GLRA2: variants seen among roughly 807,000 people sequenced by gnomAD.
GLRA2 encodes the protein glycine receptor subunit alpha-2.
A neutral mutation model predicts 31.6 loss-of-function variants in GLRA2; 11 were observed. That is an observed-to-expected ratio of 0.35 (90% CI 0.22 to 0.58). The LOEUF is 0.58. Among genes scored for constraint, GLRA2 ranks in the 20% least tolerant of loss-of-function variants. The pLI, the probability that GLRA2 is intolerant of heterozygous loss-of-function variation, is 0.84. For missense variants in GLRA2, 212 were observed against 351.8 expected (o/e 0.60, Z 3.18); for synonymous variants, 132 against 134.0 (o/e 0.99, Z 0.10).
intron 8 of GLRA2, among the ~76,000 whole-genome samples, chrX:14,727,034 G>T (rs2091937309): frequency 9.0e-6 from 1 of 111,639 alleles, no homozygotes; most frequent in African/African-American, 3.3e-5. Context: ...GTATTTTGAG[G>T]GGTTGTTTCT....
intron 4 of GLRA2, among the ~76,000 whole-genome samples, chrX:14,582,787 A>G (rs2090036750): frequency 8.9e-6 from 1 of 112,233 alleles, no homozygotes; most frequent in Non-Finnish European, 1.9e-5. Flanking sequence ...ATTATCTTAA[A>G]TGTTGCAGAC....
chrX:14,562,127 T>C (rs1487933694), intron 2 of GLRA2, among the ~76,000 whole-genome samples: 2 of 112,005 alleles, frequency 1.8e-5, no homozygotes, highest in African/African-American at 6.5e-5. Context: ...CATAGGTGTA[T>C]TAAAGTTTTG....
intron 2 of GLRA2, among the ~76,000 whole-genome samples, chrX:14,534,705 A>G (rs1473343676): frequency 9.1e-6 from 1 of 109,592 alleles, no homozygotes; most frequent in African/African-American, 3.3e-5. Flanking sequence ...GGATAAGGAA[A>G]TTAGAACCAA....
At chrX:14,587,948 C>G (rs2090099461) in intron 4 of GLRA2, among the ~76,000 whole-genome samples, 1 of 108,548 alleles carries the variant, frequency 9.2e-6, no homozygotes, top group East Asian at 2.9e-4. Context: ...CACTCTGTCA[C>G]CCAGGCTGGA....
chrX:14,680,132 C>T (rs1463420171), intron 7 of GLRA2, among the ~76,000 whole-genome samples: 1 of 112,319 alleles, frequency 8.9e-6, no homozygotes, highest in Non-Finnish European at 1.9e-5. Flanking sequence ...ATTTATAAAA[C>T]AGGCAGTGGA....
At chrX:14,464,782 C>T in the GLRA2 span, among the ~76,000 whole-genome samples, 4 of 111,425 alleles carry the variant, frequency 3.6e-5, no homozygotes. Context: ...GTCTCGATCT[C>T]CTGACCTTGT....
chrX:14,449,500 C>T, the GLRA2 span, among the ~76,000 whole-genome samples: 3 of 112,511 alleles, frequency 2.7e-5, no homozygotes, highest in Non-Finnish European at 3.8e-5. Context: ...CTCCATCTTG[C>T]TCTGAGTGGC....
chrX:14,562,849 T>A (rs1038681509), intron 2 of GLRA2, among the ~76,000 whole-genome samples: 1 of 111,720 alleles, frequency 9.0e-6, no homozygotes, highest in Non-Finnish European at 1.9e-5. Flanking sequence ...TTTGAGGTAC[T>A]GAGGGTTAAG....
the GLRA2 span, among the ~76,000 whole-genome samples, chrX:14,506,606 C>T: frequency 8.9e-6 from 1 of 111,931 alleles, no homozygotes; most frequent in Non-Finnish European, 1.9e-5. Context: ...AGTAATCATG[C>T]TGTACACACC....
chrX:14,546,299 G>A (rs771115941), intron 2 of GLRA2, among the ~76,000 whole-genome samples: 3 of 111,237 alleles, frequency 2.7e-5, no homozygotes, highest in South Asian at 3.7e-4. Flanking sequence ...TCTGACTCAC[G>A]TTTGTTTATC....
At chrX:14,702,139 G>A (rs960000761) in intron 8 of GLRA2, among the ~76,000 whole-genome samples, 3 of 111,796 alleles carry the variant, frequency 2.7e-5, no homozygotes, top group Admixed American at 9.5e-5. Context: ...TGTTAGAAAC[G>A]ACATGATGCT....
chrX:14,583,718 G>A (rs1438945925), intron 4 of GLRA2, among the ~76,000 whole-genome samples: 1 of 111,622 alleles, frequency 9.0e-6, no homozygotes, highest in Non-Finnish European at 1.9e-5. Flanking sequence ...CAGCCTGGGT[G>A]ACAGAGTGAG....
At chrX:14,502,883 C>CAA in the GLRA2 span, among the ~76,000 whole-genome samples, 90 of 42,125 alleles carry the variant, frequency 2.1e-3, no homozygotes, top group African/African-American at 6.3e-3. Context: ...CACAAAAATG[C>CAA]AAAAAAAAAA....
chrX:14,530,643 C>T (rs1444862517), intron 1 of GLRA2, among the ~76,000 whole-genome samples: 1 of 111,843 alleles, frequency 8.9e-6, no homozygotes, highest in Non-Finnish European at 1.9e-5. Context: ...CTTTTTACTA[C>T]TATATTCTAC....
intron 7 of GLRA2, among the ~76,000 whole-genome samples, chrX:14,641,670 G>A (rs2090775552): frequency 9.0e-6 from 1 of 111,306 alleles, no homozygotes; most frequent in South Asian, 3.8e-4. Context: ...AACATTCTTG[G>A]GGTGTCATAT....
At chrX:14,473,971 C>T in the GLRA2 span, among the ~76,000 whole-genome samples, 2 of 111,368 alleles carry the variant, frequency 1.8e-5, no homozygotes, top group African/African-American at 6.5e-5. Context: ...ACATTTTCAG[C>T]GTCGTTTTTT....
At chrX:14,702,280 T>C (rs1005743202) in intron 8 of GLRA2, among the ~76,000 whole-genome samples, 1 of 111,549 alleles carries the variant, frequency 9.0e-6, no homozygotes, top group African/African-American at 3.3e-5. Flanking sequence ...TACAATCAGA[T>C]TGGAACTGTG....
intron 4 of GLRA2, among the ~76,000 whole-genome samples, chrX:14,600,253 G>T (rs2090253488): frequency 9.0e-6 from 1 of 111,108 alleles, no homozygotes; most frequent in Non-Finnish European, 1.9e-5. Context: ...AATGTGAAAA[G>T]GTCATTTTGC....
intron 7 of GLRA2, among the ~76,000 whole-genome samples, chrX:14,672,224 T>C (rs2091100948): frequency 8.9e-6 from 1 of 112,272 alleles, no homozygotes; most frequent in African/African-American, 3.2e-5. Context: ...TCTCTTACTT[T>C]AGATAGTCAT....
Sources: gnomAD v4.1 joint callset for allele counts (sites outside exome capture counted in the v4.1 genomes callset) on GRCh38, gnomAD v4.1.1 for gene constraint, MANE v1.5 for transcripts, NCBI Gene and HGNC (gene_info 2026-07-23, HGNC 2026-07-21) for gene names.